The following FNDC3B variants were observed in gnomAD, a reference collection of about 807,000 sequenced individuals.
FNDC3B encodes fibronectin type III domain-containing protein 3B.
FNDC3B carries 12 observed loss-of-function variants against 151.5 expected under a neutral mutation model. The observed-to-expected ratio is 0.08, with a 90% CI of 0.05 to 0.13. FNDC3B has a LOEUF of 0.13. FNDC3B is among the 10% of genes least tolerant of loss of function. The pLI, the probability that FNDC3B is intolerant of heterozygous loss-of-function variation, is 1.00. For synonymous variants in FNDC3B, 528 were observed against 549.0 expected (o/e 0.96, Z 0.54); for missense variants, 1,214 against 1,505.3 (o/e 0.81, Z 3.20).
intron 24 of FNDC3B, among the ~76,000 whole-genome samples, chr3:172,379,231 C>G (rs1025947512): frequency 6.6e-6 from 1 of 152,258 alleles, no homozygotes; most frequent in Non-Finnish European, 1.5e-5. Flanking sequence ...CCTGCAAATA[C>G]TGTGGTTCTT....
At chr3:172,228,908 A>C (rs1726730342) in intron 4 of FNDC3B, among the ~76,000 whole-genome samples, 1 of 152,124 alleles carries the variant, frequency 6.6e-6, no homozygotes, top group African/African-American at 2.4e-5. Context: ...AATATGAAGA[A>C]AATAGAATTG....
intron 11 of FNDC3B, among the ~76,000 whole-genome samples, chr3:172,319,567 T>G (rs1179008908): frequency 6.6e-6 from 1 of 152,200 alleles, no homozygotes; most frequent in African/African-American, 2.4e-5. Flanking sequence ...CCACCCACTT[T>G]TCTTACCTTT....
intron 17 of FNDC3B, 45 bp downstream of exon 17, chr3:172,341,276 C>T (rs767258176): frequency 1.3e-5 from 18 of 1,352,914 alleles, no homozygotes; most frequent in East Asian, 4.6e-5. Context: ...TGATCAAATT[C>T]GGACAAACTG....
chr3:172,107,353 T>C (rs974988872), intron 1 of FNDC3B, among the ~76,000 whole-genome samples: 1 of 152,192 alleles, frequency 6.6e-6, no homozygotes, highest in Non-Finnish European at 1.5e-5. Context: ...ATAAATGCGT[T>C]GTAGTAGAGA....
chr3:172,328,623 T>C (rs1214929756), intron 11 of FNDC3B, among the ~76,000 whole-genome samples: 1 of 152,200 alleles, frequency 6.6e-6, no homozygotes, highest in Non-Finnish European at 1.5e-5. Context: ...GAGGAGGATC[T>C]TAGAAATTGT....
chr3:172,347,172 T>G, intron 20 of FNDC3B, 40 bp from the exon 21 acceptor site: 1 of 1,577,006 alleles, frequency 6.3e-7, no homozygotes, highest in Non-Finnish European at 8.6e-7. Context: ...GATTCTCTTC[T>G]CAGTGGCATT....
At chr3:172,194,151 C>T (rs971225080) in intron 3 of FNDC3B, among the ~76,000 whole-genome samples, 10 of 151,846 alleles carry the variant, frequency 6.6e-5, no homozygotes, top group East Asian at 3.9e-4. Context: ...ACCCGGGGGG[C>T]GGAGCCTGCA....
chr3:172,048,231 T>C (rs1337211516), intron 1 of FNDC3B, among the ~76,000 whole-genome samples: 6 of 152,336 alleles, frequency 3.9e-5, no homozygotes, highest in African/African-American at 9.6e-5. Context: ...GGATACTTAA[T>C]GTATTTCTAG....
intron 6 of FNDC3B, among the ~76,000 whole-genome samples, chr3:172,267,294 T>G (rs1450617261): frequency 6.6e-6 from 1 of 152,100 alleles, no homozygotes; most frequent in Non-Finnish European, 1.5e-5. Flanking sequence ...TAGCTGGGAC[T>G]GTGGGCATGT....
chr3:172,293,979 T>C (rs1353139052), intron 7 of FNDC3B, among the ~76,000 whole-genome samples: 1 of 152,268 alleles, frequency 6.6e-6, no homozygotes, highest in African/African-American at 2.4e-5. Context: ...AAAGTCTTTG[T>C]GAACATTAAG....
chr3:172,050,731 G>A lies in FNDC3B; in HGVS notation c.-29+10960G>A, dbSNP rs62283779. On this transcript the variant is annotated intron_variant, in intron 1 of 25. Transcript: ENST00000415807. ...TGTGTGTGTGTGTGTGTGTGTGTGTGTGTATAGTGTGTATATATACTATAT... is the reference window on the plus strand; with the variant it reads ...TGTGTGTGTGTGTGTGTGTGTGTGTATGTATAGTGTGTATATATACTATAT... 4.6e-4 allele frequency among the ~76,000 whole-genome samples: 56 copies of A among 122,292 alleles called. 1 individual carries two copies. Among genetic ancestry groups the A allele is most frequent in the Admixed American group, 3.4e-3 (37 of 10,970 alleles). 80.2% of individuals were successfully genotyped at this position (122,292 alleles called of 152,430 possible). A position where few individuals can be genotyped will look rare whatever the true frequency, so the allele number is the denominator to read the frequency against.
intron 22 of FNDC3B, among the ~76,000 whole-genome samples, chr3:172,359,879 A>G (rs1734284633): frequency 1.3e-5 from 2 of 152,216 alleles, no homozygotes; most frequent in African/African-American, 4.8e-5. Flanking sequence ...CTGCTTTATC[A>G]GAGATGAGTA....
At chr3:172,293,283 C>A (rs1246629106) in intron 7 of FNDC3B, among the ~76,000 whole-genome samples, 1 of 152,078 alleles carries the variant, frequency 6.6e-6, no homozygotes, top group Non-Finnish European at 1.5e-5. Flanking sequence ...ATAAGAGAGG[C>A]CAGCATCCTG....
At chr3:172,155,650 A>G (rs764613266) in intron 3 of FNDC3B, among the ~76,000 whole-genome samples, 2 of 152,250 alleles carry the variant, frequency 1.3e-5, no homozygotes, top group African/African-American at 2.4e-5. Flanking sequence ...CTCAGTCAAC[A>G]GAAGCCTCTG....
At position 172,330,610 on chromosome 3, in the gene FNDC3B, G is replaced by C; in HGVS notation, c.1449G>C (p.Leu483=). Residue 483 remains leucine (L), a synonymous_variant, in exon 13 of 26, where the codon CTG becomes CTC. Transcript: ENST00000415807. ...CTCAGATGCCTTCTGCACCAAGGCT[G>C]GTTCGAGCTGGCATCACATGGGTCA... is the stretch of plus-strand genomic sequence containing the variant. ...NIPQMPSAPR[L]VRAGITWVTL... is the part of the protein sequence containing the mutation. 7 of 1,614,114 alleles carry C rather than the reference G, an allele frequency of 4.3e-6. No individual in the cohort carries two copies. The highest frequency in any genetic ancestry group is 5.1e-6 in the Non-Finnish European group (6 of 1,179,958).
intron 16 of FNDC3B, chr3:172,338,040 A>T (rs1733078877): frequency 6.6e-6 from 1 of 152,392 alleles, no homozygotes. Context: ...AAATTCTTAT[A>T]AGCAGCCGAG....
At chr3:172,052,638 CTG>C (rs961327708) in intron 1 of FNDC3B, among the ~76,000 whole-genome samples, 1 of 152,108 alleles carries the variant, frequency 6.6e-6, no homozygotes, top group Non-Finnish European at 1.5e-5. Flanking sequence ...CATTATAGGG[CTG>C]TGTGTTTGGA....
chr3:172,344,198 C>A lies in FNDC3B; in HGVS notation c.2190C>A (p.Val730=), dbSNP rs200807692. 2.5e-6 allele frequency: 4 copies of A among 1,614,104 alleles called. No homozygotes were observed. Among genetic ancestry groups the A allele is most frequent in the Middle Eastern group, 1.7e-4 (1 of 6,060 alleles). ...VYHGPELECT[V]GNLLPGTVYR... ...ATGGCCCAGAGCTGGAGTGCACCGT[C>A]GGCAACCTGCTTCCTGGAACCGTGT... Residue 730 remains valine (V), a synonymous_variant, in exon 19 of 26, where the codon GTC becomes GTA. Transcript: ENST00000415807.
intron 3 of FNDC3B, among the ~76,000 whole-genome samples, chr3:172,176,998 C>G (rs937462937): frequency 1.3e-5 from 2 of 152,066 alleles, no homozygotes; most frequent in Non-Finnish European, 2.9e-5. Flanking sequence ...CTCAATTGCC[C>G]TAATAAGATT....
Sources: allele counts gnomAD v4.1 joint callset (sites outside exome capture counted in the v4.1 genomes callset), GRCh38; gene constraint gnomAD v4.1.1; transcripts MANE v1.5; gene names NCBI Gene and HGNC (gene_info 2026-07-23, HGNC 2026-07-21).